Variants in PLEKHA7 observed in about 807,000 individuals in gnomAD.
The protein encoded by PLEKHA7 is pleckstrin homology domain-containing family A member 7.
A neutral mutation model predicts 170.0 loss-of-function variants in PLEKHA7; 104 were observed. That is an observed-to-expected ratio of 0.61 (90% CI 0.52 to 0.72). The LOEUF is 0.72. Among genes scored for constraint, PLEKHA7 ranks in the 30% least tolerant of loss-of-function variants. PLEKHA7 has a pLI of 0.00. For missense variants in PLEKHA7, 1,615 were observed against 1,671.7 expected (o/e 0.97, Z 0.59); for synonymous variants, 648 against 660.8 (o/e 0.98, Z 0.30).
In PLEKHA7 at chr11:16,830,367, C is replaced by G. The variant is rs1427276055; in HGVS notation, c.873-3777G>C. Among the ~76,000 whole-genome samples the G allele has an allele frequency of 2.6e-5, 4 of 152,196 alleles. No individual in the cohort carries two copies. In the East Asian group the frequency reaches 7.7e-4, roughly 29 times the overall value. On this transcript the variant is annotated intron_variant, in intron 9 of 26. Transcript: ENST00000531066. ...ACTTCGGAGATGATGAAGGCTCCAG[C>G]TGCCCTCTGGATCACACCCTGGCCA...
chr11:16,959,946 G>A (rs1214501558), intron 3 of PLEKHA7, among the ~76,000 whole-genome samples: 1 of 152,102 alleles, frequency 6.6e-6, no homozygotes, highest in Non-Finnish European at 1.5e-5. Flanking sequence ...AAGGCTGCAG[G>A]ATTGTCAGAG....
At chr11:16,855,058 T>C in intron 5 of PLEKHA7, 65 bp from the exon 6 acceptor site, 1 of 1,384,612 alleles carries the variant, frequency 7.2e-7, no homozygotes, top group Non-Finnish European at 1.0e-6. Context: ...AGCACTTGTA[T>C]GTTAGGAGGA....
At chr11:16,801,113 C>T in intron 16 of PLEKHA7, 38 bp from the exon 17 acceptor site, 1 of 1,578,024 alleles carries the variant, frequency 6.3e-7, no homozygotes. Flanking sequence ...CTTAGTTATC[C>T]CCTGCCCCCT....
At chr11:16,995,447 A>G (rs1175873997) in intron 3 of PLEKHA7, among the ~76,000 whole-genome samples, 1 of 152,106 alleles carries the variant, frequency 6.6e-6, no homozygotes, top group East Asian at 1.9e-4. Context: ...GCCCAATCCC[A>G]GTTCACAAGA....
chr11:16,951,857 C>A (rs954412337), intron 3 of PLEKHA7, among the ~76,000 whole-genome samples: 1 of 152,180 alleles, frequency 6.6e-6, no homozygotes, highest in Admixed American at 6.5e-5. Flanking sequence ...AAATACTCAA[C>A]CATATCTAAT....
At chr11:16,927,144 A>G (rs1426744652) in intron 3 of PLEKHA7, among the ~76,000 whole-genome samples, 1 of 152,144 alleles carries the variant, frequency 6.6e-6, no homozygotes, top group Non-Finnish European at 1.5e-5. Context: ...TCTGTGATGC[A>G]CTCCATCCTG....
chr11:16,795,792 A>C (rs1042089345), intron 17 of PLEKHA7, among the ~76,000 whole-genome samples: 9 of 151,990 alleles, frequency 5.9e-5, no homozygotes, highest in Admixed American at 3.9e-4. Context: ...CTGTCTCAAC[A>C]AAATAATAAT....
chr11:17,011,953 T>C (rs1865344826), intron 3 of PLEKHA7, among the ~76,000 whole-genome samples: 1 of 89,596 alleles, frequency 1.1e-5, no homozygotes, highest in South Asian at 5.0e-4. Flanking sequence ...CTCTTCTCTT[T>C]CTCCCACAGA....
intron 6 of PLEKHA7, among the ~76,000 whole-genome samples, chr11:16,853,503 C>T (rs538267480): frequency 6.6e-6 from 1 of 152,322 alleles, no homozygotes; most frequent in African/African-American, 2.4e-5. Context: ...CCCTTCTGGA[C>T]ACCCCCCAGT....
chr11:16,870,049 C>T (rs1217044988), intron 4 of PLEKHA7, among the ~76,000 whole-genome samples: 1 of 152,184 alleles, frequency 6.6e-6, no homozygotes, highest in East Asian at 1.9e-4. Context: ...GAAAACACAT[C>T]CTGCTTGGGC....
chr11:16,985,595 G>A (rs16933753), intron 3 of PLEKHA7, among the ~76,000 whole-genome samples: 6,432 of 152,282 alleles, frequency 0.042, 194 homozygotes, highest in South Asian at 0.072. Flanking sequence ...CAGGGAAGGC[G>A]GAACCACTTA....
At chr11:16,779,556 C>A (rs942811394) in intron 26 of PLEKHA7, among the ~76,000 whole-genome samples, 3 of 152,104 alleles carry the variant, frequency 2.0e-5, no homozygotes, top group Non-Finnish European at 2.9e-5. Flanking sequence ...AAAGCCACAC[C>A]CTCAAATGTG....
At chr11:16,821,587 A>G (rs1271368345) in intron 10 of PLEKHA7, among the ~76,000 whole-genome samples, 1 of 152,234 alleles carries the variant, frequency 6.6e-6, no homozygotes. Flanking sequence ...GTCTAATGAG[A>G]TTAGCAGTCT....
At chr11:16,964,785 C>A (rs1430991128) in intron 3 of PLEKHA7, among the ~76,000 whole-genome samples, 6 of 152,142 alleles carry the variant, frequency 3.9e-5, no homozygotes, top group African/African-American at 9.7e-5. Flanking sequence ...CTGGGGGACA[C>A]CAGGGGTCTC....
Position 16,892,619 on chromosome 11 carries a change from CT to C in PLEKHA7, c.222-21438del, listed in dbSNP as rs10674972. On this transcript the variant is annotated intron_variant, in intron 3 of 26. Transcript: ENST00000531066. ...TGCCACCATGCCCAGCTTCCAGCTTCTTTTTTTTTTTTTTTTTTTTTTCGTA... is the reference window on the plus strand; with the variant it reads ...TGCCACCATGCCCAGCTTCCAGCTTCTTTTTTTTTTTTTTTTTTTTTCGTA... Among the ~76,000 whole-genome samples, 395 of 82,416 alleles carry C rather than the reference CT, an allele frequency of 4.8e-3. 6 individuals carry two copies. The highest frequency in any genetic ancestry group is 0.014 in the South Asian group (25 of 1,778). The allele number at this position is 82,416 out of a possible 152,430, so 54.1% of individuals were successfully genotyped here. A position where few individuals can be genotyped will look rare whatever the true frequency, so the allele number is the denominator to read the frequency against.
intron 3 of PLEKHA7, among the ~76,000 whole-genome samples, chr11:16,958,643 C>T (rs1240057389): frequency 6.6e-6 from 1 of 152,142 alleles, no homozygotes; most frequent in African/African-American, 2.4e-5. Context: ...AGAAAAAGAA[C>T]TATTCTGCAA....
intron 9 of PLEKHA7, among the ~76,000 whole-genome samples, chr11:16,835,262 T>C (rs57289260): frequency 0.065 from 9,852 of 152,090 alleles, 1,023 homozygotes; most frequent in African/African-American, 0.22. Flanking sequence ...CAGAGCGAGA[T>C]TTTGTCTCAA....
At chr11:16,872,919 G>A (rs1016201271) in intron 3 of PLEKHA7, among the ~76,000 whole-genome samples, 5 of 152,098 alleles carry the variant, frequency 3.3e-5, no homozygotes, top group African/African-American at 1.2e-4. Flanking sequence ...TTATCCCATG[G>A]TATTTACATT....
chr11:16,968,288 GCTCTGGGCACAGAGA>G (rs1358145182), intron 3 of PLEKHA7, among the ~76,000 whole-genome samples: 9 of 152,328 alleles, frequency 5.9e-5, no homozygotes, highest in Non-Finnish European at 1.2e-4. Context: ...TCCAGACTCA[GCTCTGGGCACAGAGA>G]CTCATGCACA....
Sources: gnomAD v4.1 joint callset for allele counts (sites outside exome capture counted in the v4.1 genomes callset) on GRCh38, gnomAD v4.1.1 for gene constraint, MANE v1.5 for transcripts, NCBI Gene and HGNC (gene_info 2026-07-23, HGNC 2026-07-21) for gene names.